CPNE7: variants seen among roughly 807,000 people sequenced by gnomAD.
CPNE7 encodes the protein copine 7.
CPNE7 carries 78 observed loss-of-function variants against 66.5 expected under a neutral mutation model. That is an observed-to-expected ratio of 1.17 (90% CI 0.98 to 1.42). CPNE7 has a LOEUF of 1.42. Among genes scored for constraint, CPNE7 ranks in the 40% most tolerant of loss-of-function variants. CPNE7 has a pLI of 0.00. For missense variants in CPNE7, 1,012 were observed against 776.6 expected (o/e 1.30, Z -3.60); for synonymous variants, 468 against 336.7 (o/e 1.39, Z -4.27).
Position 89,592,848 on chromosome 16 carries a change from T to C in CPNE7, c.1302+1588T>C, listed in dbSNP as rs186157344. Among the ~76,000 whole-genome samples, 872 of 147,984 alleles carry C rather than the reference T, an allele frequency of 5.9e-3. 10 individuals carry two copies. The highest frequency in any genetic ancestry group is 0.021 in the African/African-American group (820 of 39,724). On this transcript the variant is annotated intron_variant, in intron 13 of 14. Coordinates refer to ENST00000319518, the MANE Select transcript of CPNE7 (RefSeq NM_153636.3). ...TTTTTTTGAGATGGAGTTTTACTCT[T>C]GTCACCCAGGCTGGAGTGCAGTGAC...
Position 89,584,667 on chromosome 16 carries a change from T to G in CPNE7, c.508-107T>G. ...GCTGCCTCGTTTTGTGCCTGAGGAA[T>G]TAGCGGCTGGTGGCATGAAGTGAGC... On this transcript the variant is annotated intron_variant, in intron 4 of 14. Transcript: ENST00000319518. This position sits in a 1 kb window ranked among gnomAD's most constrained non-coding sequence, Gnocchi z 6.0. 1.3e-6 allele frequency: 1 copy of G among 789,858 alleles called. No individual in the cohort carries two copies. Among genetic ancestry groups the G allele is most frequent in the East Asian group, 2.6e-5 (1 of 37,900 alleles). 48.9% of individuals were successfully genotyped at this position (789,858 alleles called of 1,614,324 possible). A position where few individuals can be genotyped will look rare whatever the true frequency, so the allele number is the denominator to read the frequency against.
At chr16:89,583,454 C>A (rs889868614) in intron 2 of CPNE7, 3 of 1,550,404 alleles carry the variant, frequency 1.9e-6, no homozygotes, top group Non-Finnish European at 1.7e-6. Flanking sequence ...GTATGATGAC[C>A]TCTGCCTCCC....
At position 89,591,080 on chromosome 16, in the gene CPNE7, G is replaced by T. The variant is rs754830577; in HGVS notation, c.1168+22G>T. 3.1e-6 allele frequency: 5 copies of T among 1,613,552 alleles called. No individual in the cohort carries two copies. In the South Asian group the frequency reaches 4.4e-5, roughly 14 times the overall value. Reference sequence around the variant, plus strand: ...GAAGGTAGGAGCTCGAGGCAGGCCTGGGGAGGGGAGTGCAGGGGGGCCGGG... The same window carrying T: ...GAAGGTAGGAGCTCGAGGCAGGCCTTGGGAGGGGAGTGCAGGGGGGCCGGG... On this transcript the variant is annotated intron_variant, in intron 12 of 14. Coordinates refer to ENST00000319518, the MANE Select transcript of CPNE7 (RefSeq NM_153636.3).
In CPNE7 at chr16:89,595,620, G is replaced by T; in HGVS notation, c.1539+17G>T. 1 of 1,589,382 alleles carries T rather than the reference G, an allele frequency of 6.3e-7. No individual in the cohort carries two copies. Among genetic ancestry groups the T allele is most frequent in the Admixed American group, 1.7e-5 (1 of 58,862 alleles). On this transcript the variant is annotated intron_variant, in intron 14 of 14. Coordinates refer to ENST00000319518, the MANE Select transcript of CPNE7 (RefSeq NM_153636.3). ...CTCAAGAACGTGAGTGTCCTGGAGG[G>T]GCTCCGTCAAGGCCGGCTTGGGGGT...
In CPNE7 at chr16:89,587,332, C is replaced by CCCCCCG; in HGVS notation, c.927+232_927+233insCCCGCC. Reference sequence around the variant, plus strand: ...CATCCCCGCCCCCTCAGTCCGTGGCCCCGCCCCCGCCCCCGCCCCCGCCCC... The same window carrying CCCCCCG: ...CATCCCCGCCCCCTCAGTCCGTGGCCCCCCCGCCGCCCCCGCCCCCGCCCCCGCCCC... On this transcript the variant is annotated intron_variant, in intron 9 of 14. Transcript: ENST00000319518. Among the ~76,000 whole-genome samples the CCCCCCG allele has an allele frequency of 7.7e-4, 8 of 10,328 alleles. 3 individuals are homozygous for CCCCCCG. The highest frequency in any genetic ancestry group is 1.9e-3 in the African/African-American group (4 of 2,162). 6.8% of individuals were successfully genotyped at this position (10,328 alleles called of 152,430 possible). A position where few individuals can be genotyped will look rare whatever the true frequency, so the allele number is the denominator to read the frequency against.
rs2059257145 is a variant in CPNE7, at chr16:89,596,473, C to T, written c.1540-11C>T. 5 of 1,601,936 alleles carry T rather than the reference C, an allele frequency of 3.1e-6. No individual in the cohort carries two copies. The highest frequency in any genetic ancestry group is 4.2e-6 in the Non-Finnish European group (5 of 1,176,778). On this transcript the variant is annotated splice_polypyrimidine_tract_variant and intron_variant, in intron 14 of 14. Transcript: ENST00000319518. Reference sequence around the variant, plus strand: ...AGGTCCCAGAGGTAACTGCGTTGTCCCATCCTCCAGGCATCCCCTGCGGCG... The same window carrying T: ...AGGTCCCAGAGGTAACTGCGTTGTCTCATCCTCCAGGCATCCCCTGCGGCG...
intron 1 of CPNE7, among the ~76,000 whole-genome samples, chr16:89,576,986 C>T (rs114741300): frequency 1.3e-5 from 2 of 152,190 alleles, no homozygotes; most frequent in African/African-American, 4.8e-5. Context: ...CGTGCCCGCA[C>T]CCTCAGAGCG....
In CPNE7 at chr16:89,590,920, G is replaced by T. The variant is rs1487142191; in HGVS notation, c.1117-87G>T. On this transcript the variant is annotated intron_variant, in intron 11 of 14. Coordinates refer to ENST00000319518, the MANE Select transcript of CPNE7 (RefSeq NM_153636.3). Reference sequence around the variant, plus strand: ...CTGACTGGGGGACATGGGGGCTGGGGACGGGGGGAGCAGCTGACCGAGGGA... The same window carrying T: ...CTGACTGGGGGACATGGGGGCTGGGTACGGGGGGAGCAGCTGACCGAGGGA... 2.8e-6 allele frequency: 4 copies of T among 1,410,590 alleles called. No individual in the cohort carries two copies. In the African/African-American group the frequency reaches 6.0e-5, roughly 21 times the overall value. 87.4% of individuals were successfully genotyped at this position (1,410,590 alleles called of 1,614,324 possible).
chr16:89,588,854 A>G (rs770804053), intron 10 of CPNE7, 46 bp downstream of exon 10: 3 of 1,605,342 alleles, frequency 1.9e-6, no homozygotes, highest in Non-Finnish European at 2.6e-6. Flanking sequence ...CAGGTCAGCT[A>G]TGACAGGTGC....
rs940504638 is a variant in CPNE7 at position 89,584,966 on chromosome 16, C to A, written c.591+109C>A. ...CCAGCCTCCAACAGGGAGCTGTGGG[C>A]GCAGGGCTTTGGTGGCTGTGGCTAT... is the stretch of plus-strand genomic sequence containing the variant. On this transcript the variant is annotated intron_variant, in intron 5 of 14. Coordinates refer to ENST00000319518, the MANE Select transcript of CPNE7 (RefSeq NM_153636.3). The surrounding 1 kb of genome is among the most constrained non-coding windows in gnomAD (Gnocchi z 6.0). The A allele has an allele frequency of 9.9e-7, 1 of 1,008,898 alleles. No homozygotes were observed. The highest frequency in any genetic ancestry group is 1.5e-6 in the Non-Finnish European group (1 of 663,430). 62.5% of individuals were successfully genotyped at this position (1,008,898 alleles called of 1,614,324 possible). A position where few individuals can be genotyped will look rare whatever the true frequency, so the allele number is the denominator to read the frequency against.
intron 2 of CPNE7, chr16:89,583,479 G>T: frequency 6.4e-7 from 1 of 1,552,162 alleles, no homozygotes; most frequent in Non-Finnish European, 8.7e-7. Context: ...GCGACTGCTG[G>T]CGCCGTGAGG....
chr16:89,595,962 G>A (rs1010690024), intron 14 of CPNE7: 19 of 515,070 alleles, frequency 3.7e-5, no homozygotes, highest in Non-Finnish European at 6.4e-5. Flanking sequence ...CAGCACACAC[G>A]TGAGGTTCTA....
At chr16:89,586,571 GCC>G (rs1321783688) in intron 7 of CPNE7, 97 bp from the exon 8 acceptor site, 1 of 922,878 alleles carries the variant, frequency 1.1e-6, no homozygotes, top group Non-Finnish European at 1.7e-6. Flanking sequence ...CCACCACGGG[GCC>G]CTCTGCCGTC....
At position 89,588,754 on chromosome 16, in the gene CPNE7, A is replaced by G; in HGVS notation, c.1007A>G (p.Asn336Ser). The G allele has an allele frequency of 6.2e-7, 1 of 1,613,756 alleles. No individual in the cohort carries two copies. The highest frequency in any genetic ancestry group is 8.5e-7 in the Non-Finnish European group (1 of 1,179,960). ...SLHYINPYQPNEYLKALVSVG... is the reference protein window; with the variant it reads ...SLHYINPYQPSEYLKALVSVG... Reference sequence around the variant, plus strand: ...CACTACATCAACCCCTACCAGCCGAACGAGTACCTGAAGGCACTGGTGTCC... The same window carrying G: ...CACTACATCAACCCCTACCAGCCGAGCGAGTACCTGAAGGCACTGGTGTCC... Residue 336 changes from asparagine (N) to serine (S), a missense_variant, in exon 10 of 15, where the codon AAC (asparagine) becomes AGC (serine). Coordinates refer to ENST00000319518, the MANE Select transcript of CPNE7 (RefSeq NM_153636.3).
chr16:89,585,575 G>C (rs1485074248), intron 6 of CPNE7, 22 bp downstream of exon 6: 1 of 1,600,404 alleles, frequency 6.2e-7, no homozygotes, highest in Non-Finnish European at 8.5e-7. Flanking sequence ...GATGGACCAA[G>C]GGGGCAGTGA....
intron 11 of CPNE7, among the ~76,000 whole-genome samples, 181 bp downstream of exon 11, chr16:89,590,132 A>G (rs1359576489): frequency 6.6e-6 from 1 of 152,196 alleles, no homozygotes; most frequent in African/African-American, 2.4e-5. Flanking sequence ...TTGGCCTCCT[A>G]GGACTTGTTA....
intron 2 of CPNE7, among the ~76,000 whole-genome samples, chr16:89,583,058 CG>C (rs2058979888): frequency 6.6e-6 from 1 of 152,208 alleles, no homozygotes; most frequent in African/African-American, 2.4e-5. Context: ...GCCGATGGGG[CG>C]GAAGTCCAGC....
chr16:89,585,502 CAA>C lies in CPNE7; in HGVS notation c.632_633del (p.Lys211SerfsTer46), dbSNP rs778990183. ...ACCTGAACCCGGTGTGGGAGGCCTT[CAA>C]AGTCTCTCTGAGTTCCCTCTGCAGC... Reference protein sequence around the residue: ...NNLNPVWEAFKVSLSSLCSCE... With the variant: ...NNLNPVWEAFXVSLSSLCSCE... On this transcript the variant is annotated frameshift_variant, in exon 6 of 15. Transcript: ENST00000319518. LOFTEE classifies it high-confidence loss of function. 11 of 1,612,282 alleles carry C rather than the reference CAA, an allele frequency of 6.8e-6. No individual in the cohort carries two copies. Among genetic ancestry groups the C allele is most frequent in the Non-Finnish European group, 8.5e-6 (10 of 1,179,562 alleles).
At chr16:89,583,970 C>G in intron 3 of CPNE7, 58 bp from the exon 4 acceptor site, 2 of 1,588,098 alleles carry the variant, frequency 1.3e-6, no homozygotes, top group Non-Finnish European at 1.7e-6. Flanking sequence ...CTCTGGTCCC[C>G]CACGGTGGGG....
Sources: allele counts gnomAD v4.1 joint callset (sites outside exome capture counted in the v4.1 genomes callset), GRCh38; gene constraint gnomAD v4.1.1; non-coding constraint Gnocchi (gnomAD v3.1); transcripts MANE v1.5; gene names NCBI Gene and HGNC (gene_info 2026-07-23, HGNC 2026-07-21).